The following CDH18 variants were observed in gnomAD, a reference collection of about 807,000 sequenced individuals.
The protein encoded by CDH18 is cadherin-18.
CDH18 carries 31 observed loss-of-function variants against 67.9 expected under a neutral mutation model. That is an observed-to-expected ratio of 0.46 (90% CI 0.34 to 0.62). The LOEUF (loss-of-function observed/expected upper bound fraction) is 0.62. Among genes scored for constraint, CDH18 ranks in the 20% least tolerant of loss-of-function variants. The probability of loss-of-function intolerance (pLI) is 0.01; values close to 1 mark genes in which losing one functional copy is unlikely to be tolerated. For synonymous variants in CDH18, 362 were observed against 347.2 expected, an observed-to-expected ratio of 1.04 and a Z score of -0.48; for missense variants, 890 against 975.5, an observed-to-expected ratio of 0.91 and a Z score of 1.17.
intron 10 of CDH18, among the ~76,000 whole-genome samples, chr5:19,509,682 T>A (rs1744817934): frequency 6.6e-6 from 1 of 152,156 alleles, no homozygotes. Context: ...CTTTTATGTG[T>A]TATTTTTGTA....
At chr5:20,413,414 T>G (rs944637978) in intron 1 of CDH18, among the ~76,000 whole-genome samples, 2 of 152,186 alleles carry the variant, frequency 1.3e-5, no homozygotes, top group African/African-American at 4.8e-5. Flanking sequence ...TTGAACTAGT[T>G]TACACTCCCA....
At chr5:20,546,410 C>A (rs1406005119) in intron 1 of CDH18, among the ~76,000 whole-genome samples, 1 of 147,556 alleles carries the variant, frequency 6.8e-6, no homozygotes, top group African/African-American at 2.5e-5. Context: ...TAAAAAAAAA[C>A]TACTTGAGAC....
At chr5:20,025,361 T>C (rs1738802941) in intron 2 of CDH18, among the ~76,000 whole-genome samples, 1 of 152,160 alleles carries the variant, frequency 6.6e-6, no homozygotes, top group Non-Finnish European at 1.5e-5. Context: ...AAATTAATAA[T>C]CAATAATTAC....
chr5:19,681,313 A>G (rs929172457), intron 5 of CDH18, among the ~76,000 whole-genome samples: 1 of 151,990 alleles, frequency 6.6e-6, no homozygotes, highest in Admixed American at 6.6e-5. Context: ...TGACGAAATA[A>G]TCTGTACACC....
chr5:20,078,078 G>T (rs536012353), intron 2 of CDH18, among the ~76,000 whole-genome samples: 1 of 152,248 alleles, frequency 6.6e-6, no homozygotes, highest in East Asian at 1.9e-4. Context: ...TCTATTTGAG[G>T]CATAATACTT....
intron 2 of CDH18, among the ~76,000 whole-genome samples, chr5:20,093,158 C>T (rs1441500442): frequency 1.3e-5 from 2 of 151,738 alleles, no homozygotes; most frequent in East Asian, 1.9e-4. Flanking sequence ...GAAGCTTGAC[C>T]CCAAGAATTC....
intron 2 of CDH18, among the ~76,000 whole-genome samples, chr5:19,867,659 T>C (rs1785710479): frequency 2.6e-4 from 1 of 3,790 alleles, no homozygotes; most frequent in South Asian, 9.1e-3. Flanking sequence ...TATTTATATA[T>C]TTATATAATA....
At chr5:19,626,864 T>C (rs1252149440) in intron 5 of CDH18, among the ~76,000 whole-genome samples, 1 of 152,186 alleles carries the variant, frequency 6.6e-6, no homozygotes, top group Non-Finnish European at 1.5e-5. Context: ...GTGCTGATTA[T>C]TATGCTTTCA....
chr5:19,837,549 T>C lies in CDH18; in HGVS notation c.228+1210A>G, dbSNP rs187515127. Among the ~76,000 whole-genome samples the C allele has an allele frequency of 5.3e-3, 801 of 152,258 alleles. 8 individuals carry two copies. The highest frequency in any genetic ancestry group is 0.018 in the African/African-American group (768 of 41,562). ...TAGGGAAAAAAGCATACAATGAAGA[T>C]AGTTCTTCTGTCTCATTTTAATATG... On this transcript the variant is annotated intron_variant, in intron 3 of 12. Transcript: ENST00000382275.
At position 19,999,308 on chromosome 5, in the gene CDH18, C is replaced by T. The variant is rs556117583; in HGVS notation, c.-517-7294G>A. Among the ~76,000 whole-genome samples the T allele has an allele frequency of 3.3e-5, 5 of 152,124 alleles. No homozygotes were observed. The South Asian group carries it at 1.0e-3, about 32-fold the overall frequency. On this transcript the variant is annotated intron_variant, in intron 2 of 14. Coordinates refer to the CDH18 transcript ENST00000507958. ...CTCCTCCACAATTGCCCACATAAAA[C>T]TGTGGACGCAACCGGGCAGGGTGAC...
intron 2 of CDH18, among the ~76,000 whole-genome samples, chr5:19,912,710 C>A (rs1165876441): frequency 6.6e-6 from 1 of 152,098 alleles, no homozygotes. Context: ...TGCTTAAAGG[C>A]AGAAAGATTT....
chr5:19,753,926 G>A (rs1771186128), intron 3 of CDH18, among the ~76,000 whole-genome samples: 2 of 152,116 alleles, frequency 1.3e-5, no homozygotes, highest in Admixed American at 6.5e-5. Context: ...AAAAACAAAT[G>A]CTGAGAGAAT....
intron 1 of CDH18, chr5:20,304,012 C>G: frequency 1.7e-6 from 2 of 1,201,152 alleles, no homozygotes; most frequent in South Asian, 2.4e-5. Context: ...GAAGCAGCAA[C>G]TTGGCAATAA....
chr5:19,833,075 G>A (rs1186428059), intron 3 of CDH18, among the ~76,000 whole-genome samples: 1 of 152,066 alleles, frequency 6.6e-6, no homozygotes, highest in Non-Finnish European at 1.5e-5. Flanking sequence ...GTCAATGGTA[G>A]TTTGATGGGA....
chr5:19,940,083 A>T (rs1794667289), intron 2 of CDH18, among the ~76,000 whole-genome samples: 1 of 151,802 alleles, frequency 6.6e-6, no homozygotes, highest in Non-Finnish European at 1.5e-5. Context: ...TTTCTTACTT[A>T]TGTATATAGA....
chr5:19,921,412 TC>T (rs1175731981), intron 2 of CDH18, among the ~76,000 whole-genome samples: 1 of 151,264 alleles, frequency 6.6e-6, no homozygotes, highest in Non-Finnish European at 1.5e-5. Flanking sequence ...GCACCTGTAG[TC>T]CCAGCTACTC....
chr5:20,350,058 C>T (rs1195301407), intron 1 of CDH18, among the ~76,000 whole-genome samples: 1 of 152,006 alleles, frequency 6.6e-6, no homozygotes, highest in African/African-American at 2.4e-5. Context: ...TTTGAGTTCT[C>T]GTGTAATATT....
intron 1 of CDH18, among the ~76,000 whole-genome samples, chr5:20,329,098 A>G (rs76051531): frequency 0.022 from 3,332 of 152,138 alleles, 83 homozygotes; most frequent in African/African-American, 0.056. Context: ...TTAATATCCA[A>G]CTCCCCAAAA....
At chr5:20,222,958 T>C (rs187190062) in intron 2 of CDH18, among the ~76,000 whole-genome samples, 61 of 152,252 alleles carry the variant, frequency 4.0e-4, no homozygotes, top group African/African-American at 1.2e-3. Flanking sequence ...ATAATACTTG[T>C]AATATTTCTC....
Sources: allele counts gnomAD v4.1 joint callset (sites outside exome capture counted in the v4.1 genomes callset), GRCh38; gene constraint gnomAD v4.1.1; transcripts MANE v1.5; gene names NCBI Gene and HGNC (gene_info 2026-07-23, HGNC 2026-07-21).